The following FN1 variants were observed in gnomAD, a reference collection of about 807,000 sequenced individuals.
The protein encoded by FN1 is fibronectin 1, also known as fibronectin.
A neutral mutation model predicts 297.3 loss-of-function variants in FN1; 106 were observed. That is an observed-to-expected ratio of 0.36 (90% CI 0.30 to 0.42). The LOEUF (loss-of-function observed/expected upper bound fraction) is 0.42. Among genes scored for constraint, FN1 ranks in the 10% least tolerant of loss-of-function variants. The pLI is 1.00. For missense variants in FN1, 2,690 were observed against 3,124.9 expected (o/e 0.86, Z 3.32); for synonymous variants, 1,149 against 1,152.6 (o/e 1.00, Z 0.06).
At chr2:215,429,430 T>A (rs2066070971) in intron 5 of FN1, among the ~76,000 whole-genome samples, 1 of 152,154 alleles carries the variant, frequency 6.6e-6, no homozygotes, top group South Asian at 2.1e-4. Context: ...ATAGAGGATC[T>A]GATGTCTTTG....
chr2:215,384,603 T>C (rs1319907469), intron 29 of FN1: 1 of 439,848 alleles, frequency 2.3e-6, no homozygotes. Flanking sequence ...ACTGATAATA[T>C]GTTTGTGAAT....
Position 215,386,163 on chromosome 2 carries a change from C to T in FN1, c.4612+526G>A, listed in dbSNP as rs552366225. ...CCTGATCTCAGCTCACTGCAACCTT[C>T]GCCTCCCAGGTTCAAAGATTCTCCT... On this transcript the variant is annotated intron_variant, in intron 28 of 45. Coordinates refer to ENST00000354785, the MANE Select transcript of FN1 (RefSeq NM_212482.4). 8.5e-5 allele frequency among the ~76,000 whole-genome samples: 12 copies of T among 141,966 alleles called. No individual in the cohort carries two copies. The South Asian group carries it at 2.1e-3, about 25-fold the overall frequency. 93.1% of individuals were successfully genotyped at this position (141,966 alleles called of 152,430 possible).
chr2:215,406,153 G>C, intron 19 of FN1, 85 bp downstream of exon 19: 2 of 1,342,238 alleles, frequency 1.5e-6, no homozygotes, highest in South Asian at 1.2e-5. Context: ...ATACACCTCT[G>C]AGTGAATGGT....
chr2:215,383,618 CAG>C, intron 30 of FN1, 135 bp from the exon 31 acceptor site: 1 of 960,926 alleles, frequency 1.0e-6, no homozygotes, highest in African/African-American at 1.6e-5. Context: ...CGAAAGAATA[CAG>C]AGAGAGCTTT....
intron 45 of FN1, 109 bp downstream of exon 45, chr2:215,361,857 AGTT>A (rs1043584712): frequency 1.5e-5 from 20 of 1,373,752 alleles, no homozygotes; most frequent in South Asian, 1.1e-4. Context: ...GTCATTTATG[AGTT>A]GTTTTTTTTT....
rs2060391152 is a variant in FN1 at position 215,397,133 on chromosome 2, T to C, written c.3604+4A>G. 6.2e-7 allele frequency: 1 copy of C among 1,606,984 alleles called. No homozygotes were observed. On this transcript the variant is annotated splice_donor_region_variant and intron_variant, in intron 23 of 45. Coordinates refer to ENST00000354785, the MANE Select transcript of FN1 (RefSeq NM_212482.4). ...ACTTGCCCTCTGATCCATCCCAAAC[T>C]TACCTGGGGTGGTGCTCCTCTCCCA...
At chr2:215,389,958 T>A (rs183995166) in intron 26 of FN1, among the ~76,000 whole-genome samples, 9 of 152,226 alleles carry the variant, frequency 5.9e-5, no homozygotes, top group African/African-American at 2.2e-4. Flanking sequence ...AATATTTGTA[T>A]ATCTAAAAGA....
chr2:215,404,700 A>C, intron 19 of FN1, 45 bp from the exon 20 acceptor site: 3 of 1,556,066 alleles, frequency 1.9e-6, no homozygotes, highest in Middle Eastern at 1.9e-4. Flanking sequence ...TAGATCAGTA[A>C]TGATCATAAC....
intron 25 of FN1, chr2:215,392,390 T>G (rs1377821427): frequency 5.4e-6 from 1 of 185,056 alleles, no homozygotes; most frequent in African/African-American, 2.4e-5. Context: ...GAGGTGTTTC[T>G]TTACCTAGTG....
intron 33 of FN1, chr2:215,379,600 C>A: frequency 3.3e-6 from 1 of 300,602 alleles, no homozygotes; most frequent in Non-Finnish European, 6.1e-6. Flanking sequence ...TTTTGCTTTC[C>A]CTTAAAAAAA....
At chr2:215,402,732 T>C (rs1219304902) in intron 20 of FN1, among the ~76,000 whole-genome samples, 13 of 152,224 alleles carry the variant, frequency 8.5e-5, no homozygotes. Flanking sequence ...GCATACAATG[T>C]TCCAGACACT....
At chr2:215,397,537 A>C in intron 22 of FN1, 143 bp downstream of exon 22, 1 of 727,958 alleles carries the variant, frequency 1.4e-6, no homozygotes, top group Non-Finnish European at 2.4e-6. Flanking sequence ...CTCCAAATTC[A>C]GGAATAGCAT....
chr2:215,433,187 C>A, intron 3 of FN1, 137 bp downstream of exon 3: 1 of 1,027,902 alleles, frequency 9.7e-7, no homozygotes, highest in Middle Eastern at 2.3e-4. Context: ...TGGGTGACCA[C>A]TTAAGAGTAC....
At position 215,361,102 on chromosome 2, in the gene FN1, G is replaced by A. The variant is rs1015400262; in HGVS notation, c.*453C>T. The A allele has an allele frequency of 3.6e-5, 6 of 168,342 alleles. No homozygotes were observed. The highest frequency in any genetic ancestry group is 6.5e-5 in the Non-Finnish European group (5 of 77,228). The allele number at this position is 168,342 out of a possible 1,614,324, so 10.4% of individuals were successfully genotyped here. A position where few individuals can be genotyped will look rare whatever the true frequency, so the allele number is the denominator to read the frequency against. On this transcript the variant is annotated 3_prime_UTR_variant, in exon 46 of 46. Coordinates refer to ENST00000354785, the MANE Select transcript of FN1 (RefSeq NM_212482.4). Reference sequence around the variant, plus strand: ...GGATCATTTGGAAAAAGTGAGTACTGTGGATATTTAAAATATCACAGTAAC... The same window carrying A: ...GGATCATTTGGAAAAAGTGAGTACTATGGATATTTAAAATATCACAGTAAC...
chr2:215,420,635 C>T (rs1204996524), intron 11 of FN1, 38 bp downstream of exon 11: 1 of 1,613,346 alleles, frequency 6.2e-7, no homozygotes. Context: ...TAACCATTCC[C>T]CCTGTGCAAA....
At chr2:215,398,230 T>TC (rs982784509) in intron 21 of FN1, among the ~76,000 whole-genome samples, 1 of 152,220 alleles carries the variant, frequency 6.6e-6, no homozygotes, top group Admixed American at 6.5e-5. Context: ...AACGAGTTAT[T>TC]CACATTCAAT....
Position 215,404,369 on chromosome 2 carries a change from G to T in FN1, c.3253+20C>A. 6.2e-7 allele frequency: 1 copy of T among 1,610,460 alleles called. No individual in the cohort carries two copies. The highest frequency in any genetic ancestry group is 8.5e-7 in the Non-Finnish European group (1 of 1,176,966). ...AGAATGTAAATATAGTTAAGAAAAG[G>T]CACTTAATTTTCAGCTTACGTGTGG... is the stretch of plus-strand genomic sequence containing the variant. On this transcript the variant is annotated intron_variant, in intron 20 of 45. Transcript: ENST00000354785.
Position 215,435,760 on chromosome 2 carries a change from G to T in FN1, c.43C>A (p.Gln15Lys). Residue 15 changes from glutamine (Q) to lysine (K), a missense_variant, in exon 1 of 46, where the codon CAG (glutamine) becomes AAG (lysine). By Grantham distance (53) the Gln-to-Lys change is moderately conservative. Around this residue, in one of 3 missense-constraint regions of FN1, gnomAD observed 876 missense variants for 1,058.1 expected, o/e 0.83. Coordinates refer to ENST00000354785, the MANE Select transcript of FN1 (RefSeq NM_212482.4). ...PGPGLLLLAVQCLGTAVPSTG... is the reference protein window; with the variant it reads ...PGPGLLLLAVKCLGTAVPSTG... ...GAGGGCACCGCTGTCCCCAGGCACTGGACGGCCAGCAGCAGCAGCCCGGGC... is the reference window on the plus strand; with the variant it reads ...GAGGGCACCGCTGTCCCCAGGCACTTGACGGCCAGCAGCAGCAGCCCGGGC... 1 of 1,592,858 alleles carries T rather than the reference G, an allele frequency of 6.3e-7. No individual in the cohort carries two copies.
chr2:215,421,046 T>C (rs1166427979), intron 10 of FN1: 2 of 470,044 alleles, frequency 4.3e-6, no homozygotes, highest in Non-Finnish European at 3.9e-6. Context: ...TATGCTCAAG[T>C]AAAGAATGTG....
Sources: gnomAD v4.1 joint callset for allele counts (sites outside exome capture counted in the v4.1 genomes callset) on GRCh38, gnomAD v4.1.1 for gene constraint, gnomAD v4.1.1 regional missense constraint, MANE v1.5 for transcripts, NCBI Gene and HGNC (gene_info 2026-07-23, HGNC 2026-07-21) for gene names.